COL6A5: variants seen among roughly 807,000 people sequenced by gnomAD.
The protein encoded by COL6A5 is collagen alpha-5(VI) chain.
COL6A5 carries 48 observed loss-of-function variants against 65.6 expected under a neutral mutation model. The ratio of observed to expected loss-of-function variants is 0.73; its 90% CI spans 0.58 to 0.93. COL6A5 has a LOEUF of 0.93. Among genes scored for constraint, COL6A5 ranks in the 40% least tolerant of loss-of-function variants. The pLI is 0.00. For synonymous variants in COL6A5, 291 were observed against 322.8 expected (o/e 0.90, Z 1.05); for missense variants, 914 against 928.3 (o/e 0.98, Z 0.20).
intron 1 of COL6A5, among the ~76,000 whole-genome samples, chr3:130,372,270 T>G (rs1935593732): frequency 6.6e-6 from 1 of 151,936 alleles, no homozygotes; most frequent in Admixed American, 6.6e-5. Context: ...TCTCAAAATG[T>G]TAAACATAGA....
At position 130,394,881 on chromosome 3, in the gene COL6A5, C is replaced by A; in HGVS notation, c.2993-9C>A. On this transcript the variant is annotated splice_polypyrimidine_tract_variant and intron_variant and NMD_transcript_variant, in intron 7 of 41. Coordinates refer to the COL6A5 transcript ENST00000312481. ...TGAGGAAAATAATTTATTCTTTTTT[C>A]TATTGCAGTCTGTCATCTTCAGGAA... is the stretch of plus-strand genomic sequence containing the variant. 12 of 1,533,940 alleles carry A rather than the reference C, an allele frequency of 7.8e-6. No homozygotes were observed. The highest frequency in any genetic ancestry group is 1.1e-5 in the Non-Finnish European group (12 of 1,140,024).
chr3:130,483,980 C>T (rs1488047535), intron 7 of COL6A5, 55 bp from the exon 41 acceptor site: 2 of 1,529,842 alleles, frequency 1.3e-6, no homozygotes, highest in South Asian at 1.2e-5. Flanking sequence ...CCTGGAGGAA[C>T]ATTTTGAACA....
intron 3 of COL6A5, among the ~76,000 whole-genome samples, chr3:130,443,146 C>A (rs546502487): frequency 2.0e-5 from 3 of 152,088 alleles, no homozygotes; most frequent in African/African-American, 7.2e-5. Flanking sequence ...GGTGAAAAAC[C>A]TTTGATGAAT....
chr3:130,447,630 TAAA>T (rs1709339553), intron 4 of COL6A5, among the ~76,000 whole-genome samples: 1 of 152,060 alleles, frequency 6.6e-6, no homozygotes, highest in African/African-American at 2.4e-5. Context: ...ACCTTGAAAA[TAAA>T]GAAGCCAATT....
intron 1 of COL6A5, among the ~76,000 whole-genome samples, chr3:130,438,030 G>A (rs573624720): frequency 7.5e-4 from 114 of 151,966 alleles, no homozygotes; most frequent in African/African-American, 2.4e-3. Context: ...GAAAAGTCTC[G>A]CTCTGTCACC....
At chr3:130,375,590 C>A (rs1015104177) in intron 2 of COL6A5, among the ~76,000 whole-genome samples, 1 of 152,106 alleles carries the variant, frequency 6.6e-6, no homozygotes, top group African/African-American at 2.4e-5. Flanking sequence ...AGTTCTCAAA[C>A]AACTTTGGCC....
In COL6A5 at chr3:130,469,277, G is replaced by A. The variant is rs75328271; in HGVS notation, c.2029G>A (p.Val677Ile). 5.6e-3 allele frequency: 8,992 copies of A among 1,612,960 alleles called. 210 individuals carry two copies. In the African/African-American group the frequency reaches 0.062, roughly 11 times the overall value. Reference sequence around the variant, plus strand: ...CGAAACCAACTCTTTAGACAAAGACGTCTTAAGGAATGTGTCTCTGAGAGC... The same window carrying A: ...CGAAACCAACTCTTTAGACAAAGACATCTTAAGGAATGTGTCTCTGAGAGC... The change falls in exon 6 of 8, where the codon GTC becomes ATC. Residue 677 changes from valine (V) to isoleucine (I), a missense_variant. Coordinates refer to ENST00000512836, the Ensembl canonical transcript of COL6A5.
At chr3:130,413,995 A>T in intron 21 of COL6A5, 74 bp from the exon 22 acceptor site, 1 of 1,144,428 alleles carries the variant, frequency 8.7e-7, no homozygotes, top group Non-Finnish European at 1.3e-6. Flanking sequence ...TTTCTGATGT[A>T]AATAGTATGA....
At chr3:130,418,119 A>G (rs1244890717) in intron 24 of COL6A5, among the ~76,000 whole-genome samples, 1 of 152,096 alleles carries the variant, frequency 6.6e-6, no homozygotes, top group Non-Finnish European at 1.5e-5. Context: ...AACTGTGGCA[A>G]TCATTATACA....
chr3:130,384,438 G>A (rs142401658), intron 4 of COL6A5, among the ~76,000 whole-genome samples: 37 of 152,104 alleles, frequency 2.4e-4, no homozygotes, highest in African/African-American at 6.3e-4. Flanking sequence ...ATAGAAGATC[G>A]TCAATCCCAT....
intron 6 of COL6A5, among the ~76,000 whole-genome samples, chr3:130,470,596 GAGAA>G (rs1709924813): frequency 6.6e-6 from 1 of 151,860 alleles, no homozygotes; most frequent in Non-Finnish European, 1.5e-5. Context: ...TTTATAGAGA[GAGAA>G]AGAAATGATA....
At chr3:130,460,923 G>T (rs1009279516) in intron 5 of COL6A5, among the ~76,000 whole-genome samples, 21 of 151,862 alleles carry the variant, frequency 1.4e-4, no homozygotes, top group African/African-American at 5.1e-4. Flanking sequence ...TAGTGAGAGT[G>T]GTGGTGGTGG....
At chr3:130,364,425 A>G (rs954551095) in intron 1 of COL6A5, among the ~76,000 whole-genome samples, 2 of 152,212 alleles carry the variant, frequency 1.3e-5, no homozygotes, top group African/African-American at 4.8e-5. Flanking sequence ...CCTTCTCTCA[A>G]AAGTTTCAGT....
intron 20 of COL6A5, 22 bp from the exon 21 acceptor site, chr3:130,413,521 AAC>A: frequency 1.3e-6 from 2 of 1,546,090 alleles, no homozygotes; most frequent in Non-Finnish European, 1.8e-6. Flanking sequence ...TCCACATACT[AAC>A]AGTTTGCCTT....
Position 130,438,752 on chromosome 3 carries a change from G to A in COL6A5, c.488-770G>A, listed in dbSNP as rs189730795. On this transcript the variant is annotated intron_variant, in intron 1 of 7. Coordinates refer to ENST00000512836, the Ensembl canonical transcript of COL6A5. ...GCCTCCTCACCACCTGGGAATGATA[G>A]ATTTCTTTCATAATAAAAGTATCTG... is the stretch of plus-strand genomic sequence containing the variant. Among the ~76,000 whole-genome samples, 358 of 152,282 alleles carry A rather than the reference G, an allele frequency of 2.4e-3. 6 individuals are homozygous for A. The highest frequency in any genetic ancestry group is 0.011 in the East Asian group (57 of 5,174).
At chr3:130,427,211 C>A (rs1937623048), upstream of COL6A5, among the ~76,000 whole-genome samples, 1 of 152,028 alleles carries the variant, frequency 6.6e-6, no homozygotes, top group Admixed American at 6.6e-5. Context: ...TAAATACATA[C>A]ATAGAAACAA....
At chr3:130,454,548 T>C (rs1470284834) in intron 4 of COL6A5, among the ~76,000 whole-genome samples, 1 of 152,170 alleles carries the variant, frequency 6.6e-6, no homozygotes, top group African/African-American at 2.4e-5. Context: ...AACACGGACA[T>C]TGAAATTACA....
rs1244264143 is a variant in COL6A5, at chr3:130,379,844, A to G, written c.1094A>G (p.Asp365Gly). 2.6e-6 allele frequency: 4 copies of G among 1,551,260 alleles called. No individual in the cohort carries two copies. The East Asian group carries it at 9.8e-5, about 38-fold the overall frequency. ...GCTGCGCTGAACCTTCGACTGGAGG[A>G]TGTAAACGTGTTTGCCTTGAGCATC... Residue 365 changes from aspartate to glycine, a missense_variant and NMD_transcript_variant, in exon 4 of 42, where the codon GAT (aspartate) becomes GGT (glycine). By Grantham distance (94) the Asp-to-Gly change is moderately conservative. Transcript: ENST00000312481.
chr3:130,386,762 G>T (rs576478126), intron 5 of COL6A5, among the ~76,000 whole-genome samples: 2 of 152,050 alleles, frequency 1.3e-5, no homozygotes, highest in Non-Finnish European at 2.9e-5. Context: ...GGTAGTTGCA[G>T]TTGAAGTAGT....
Sources: gnomAD v4.1 joint callset for allele counts (sites outside exome capture counted in the v4.1 genomes callset) on GRCh38, gnomAD v4.1.1 for gene constraint, MANE v1.5 for transcripts, NCBI Gene and HGNC (gene_info 2026-07-23, HGNC 2026-07-21) for gene names.